The following TNFRSF8 variants were observed in gnomAD, a reference collection of about 807,000 sequenced individuals.
The protein encoded by TNFRSF8 is TNF receptor superfamily member 8.
Under a neutral mutation model 70.8 loss-of-function variants are expected in TNFRSF8, and 26 were observed. The observed-to-expected ratio is 0.37, with a 90% CI of 0.27 to 0.51. The LOEUF is 0.51. TNFRSF8 is among the 20% of genes least tolerant of loss of function. TNFRSF8 has a pLI of 0.94. For synonymous variants in TNFRSF8, 356 were observed against 339.2 expected (o/e 1.05, Z -0.54); for missense variants, 720 against 807.9 (o/e 0.89, Z 1.32).
At chr1:12,136,870 C>CTT (rs201470263) in intron 13 of TNFRSF8, among the ~76,000 whole-genome samples, 6 of 118,636 alleles carry the variant, frequency 5.1e-5, no homozygotes, top group Admixed American at 8.5e-5. Flanking sequence ...ATACTCAGTT[C>CTT]TTTTTTTTTT....
At chr1:12,079,493 G>A (rs1641025418) in intron 1 of TNFRSF8, among the ~76,000 whole-genome samples, 1 of 152,188 alleles carries the variant, frequency 6.6e-6, no homozygotes, top group Admixed American at 6.5e-5. Flanking sequence ...GGCAGCAGGA[G>A]CTGATGAGCC....
At chr1:12,075,469 A>G (rs6690493) in intron 1 of TNFRSF8, among the ~76,000 whole-genome samples, 82,944 of 151,768 alleles carry the variant, frequency 0.55, 24,878 homozygotes, top group African/African-American at 0.79. Context: ...AAGAGCTTCC[A>G]TACTCATCTC....
chr1:12,121,233 T>C (rs1242176734), intron 8 of TNFRSF8, among the ~76,000 whole-genome samples: 3 of 152,064 alleles, frequency 2.0e-5, no homozygotes, highest in African/African-American at 7.2e-5. Context: ...CAGGTAAGAG[T>C]CCAGTGACCT....
At chr1:12,100,208 C>T (rs1229205972) in intron 3 of TNFRSF8, among the ~76,000 whole-genome samples, 1 of 151,902 alleles carries the variant, frequency 6.6e-6, no homozygotes, top group Non-Finnish European at 1.5e-5. Context: ...AAATGGCACA[C>T]TTGTACAGGG....
Position 12,119,220 on chromosome 1 carries a change from C to A in TNFRSF8, c.946+3491C>A, listed in dbSNP as rs1476201122. Among the ~76,000 whole-genome samples, 1 of 152,176 alleles carries A rather than the reference C, an allele frequency of 6.6e-6. No individual in the cohort carries two copies. Among genetic ancestry groups the A allele is most frequent in the African/African-American group, 2.4e-5 (1 of 41,444 alleles). On this transcript the variant is annotated intron_variant, in intron 8 of 14. Transcript: ENST00000263932. This position sits in a 1 kb window ranked among gnomAD's most constrained non-coding sequence, Gnocchi z 4.4. Reference sequence around the variant, plus strand: ...TGGTGACCACCTTGATGTGGCTCTCCCAATGCAGACATTGGCACGTGCCAG... The same window carrying A: ...TGGTGACCACCTTGATGTGGCTCTCACAATGCAGACATTGGCACGTGCCAG...
chr1:12,125,912 G>C, intron 10 of TNFRSF8, 39 bp from the exon 11 acceptor site: 1 of 1,550,976 alleles, frequency 6.4e-7, no homozygotes. Context: ...TTGTGTGGTT[G>C]CAGCAAGGCA....
At chr1:12,079,949 A>ATT (rs111729252) in intron 1 of TNFRSF8, among the ~76,000 whole-genome samples, 3,279 of 127,022 alleles carry the variant, frequency 0.026, 127 homozygotes, top group African/African-American at 0.091. Flanking sequence ...TTAATTCTCT[A>ATT]TTTTTTTTTT....
At chr1:12,096,422 G>C (rs1261296877) in intron 2 of TNFRSF8, among the ~76,000 whole-genome samples, 1 of 77,182 alleles carries the variant, frequency 1.3e-5, no homozygotes, top group African/African-American at 5.2e-5. Flanking sequence ...TAGCTGATGA[G>C]CTAAAAAAAA....
chr1:12,128,380 G>A (rs371919382), intron 12 of TNFRSF8, among the ~76,000 whole-genome samples: 10 of 152,332 alleles, frequency 6.6e-5, no homozygotes, highest in South Asian at 4.1e-4. Context: ...TCTGTGGTCC[G>A]TGCAGGTGCG....
At chr1:12,083,538 C>T (rs1360702613) in intron 1 of TNFRSF8, among the ~76,000 whole-genome samples, 1 of 152,208 alleles carries the variant, frequency 6.6e-6, no homozygotes, top group African/African-American at 2.4e-5. Context: ...AATACAAAAA[C>T]TAGCTGGGCA....
chr1:12,125,025 G>T (rs575389442), intron 10 of TNFRSF8, among the ~76,000 whole-genome samples: 1 of 152,154 alleles, frequency 6.6e-6, no homozygotes, highest in South Asian at 2.1e-4. Context: ...CATTGGCACC[G>T]GCTGGGAACT....
intron 1 of TNFRSF8, among the ~76,000 whole-genome samples, chr1:12,070,329 C>A (rs1569976675): frequency 1.3e-5 from 2 of 151,866 alleles, no homozygotes; most frequent in African/African-American, 4.8e-5. Context: ...CGGCTCACTG[C>A]AAGCTTCGCC....
chr1:12,123,600 AG>A, intron 9 of TNFRSF8, 114 bp from the exon 10 acceptor site: 1 of 1,027,286 alleles, frequency 9.7e-7, no homozygotes, highest in Admixed American at 2.4e-5. Flanking sequence ...CTCGGGGCAG[AG>A]GATCTAGGGG....
intron 12 of TNFRSF8, 64 bp downstream of exon 12, chr1:12,126,300 G>A (rs548889247): frequency 3.3e-4 from 517 of 1,589,910 alleles, no homozygotes; most frequent in African/African-American, 6.0e-4. Context: ...CTCTGGGCCC[G>A]GGGCGTGGGC....
At chr1:12,134,986 G>A (rs907687770) in intron 12 of TNFRSF8, among the ~76,000 whole-genome samples, 7 of 152,106 alleles carry the variant, frequency 4.6e-5, no homozygotes, top group African/African-American at 1.7e-4. Context: ...GGGGTTGGGA[G>A]AGTGGTTCAG....
At chr1:12,080,204 C>A in intron 1 of TNFRSF8, 1 of 499,150 alleles carries the variant, frequency 2.0e-6, no homozygotes, top group Non-Finnish European at 4.0e-6. Flanking sequence ...TGGCCTCAGC[C>A]TCCCAGAGTG....
chr1:12,135,189 G>A (rs1369660901), intron 12 of TNFRSF8, among the ~76,000 whole-genome samples: 1 of 151,902 alleles, frequency 6.6e-6, no homozygotes, highest in African/African-American at 2.4e-5. Flanking sequence ...GGTGGCACGA[G>A]CCTATAATCC....
In TNFRSF8 at chr1:12,097,165, C is replaced by G; in HGVS notation, c.216C>G (p.Asp72Glu). ...PTDCRKQCEP[D>E]YYLDEADRCT... ...ACTGCAGGAAGCAGTGTGAGCCTGA[C>G]TACTACCTGGATGAGGCCGACCGCT... The change falls in exon 3 of 15, where the codon GAC (aspartate) becomes GAG (glutamate). Residue 72 changes from aspartate (D) to glutamate (E), a missense_variant. Coordinates refer to ENST00000263932, the MANE Select transcript of TNFRSF8 (RefSeq NM_001243.5). 1.2e-6 allele frequency: 2 copies of G among 1,614,110 alleles called. No individual in the cohort carries two copies. Among genetic ancestry groups the G allele is most frequent in the Non-Finnish European group, 1.7e-6 (2 of 1,179,998 alleles).
At chr1:12,079,039 G>T (rs1487260945) in intron 1 of TNFRSF8, among the ~76,000 whole-genome samples, 1 of 152,158 alleles carries the variant, frequency 6.6e-6, no homozygotes, top group Admixed American at 6.5e-5. Context: ...GAGGGGAGGG[G>T]TGCTTACCTC....
Sources: allele counts gnomAD v4.1 joint callset (sites outside exome capture counted in the v4.1 genomes callset), GRCh38; gene constraint gnomAD v4.1.1; non-coding constraint Gnocchi (gnomAD v3.1); transcripts MANE v1.5; gene names NCBI Gene and HGNC (gene_info 2026-07-23, HGNC 2026-07-21).